Variants in DPY19L2 observed in about 807,000 individuals in gnomAD.
DPY19L2 encodes the protein probable C-mannosyltransferase DPY19L2.
In DPY19L2, 34 loss-of-function variants were observed where a neutral mutation model predicts 97.9. That is an observed-to-expected ratio of 0.35 (90% CI 0.26 to 0.46). The LOEUF (loss-of-function observed/expected upper bound fraction) is 0.46. Ranked by LOEUF, DPY19L2 falls within the 20% of genes least tolerant of loss-of-function variation. The probability of loss-of-function intolerance (pLI) is 1.00; values close to 1 mark genes in which losing one functional copy is unlikely to be tolerated. For missense variants in DPY19L2, 623 were observed against 911.4 expected, an observed-to-expected ratio of 0.68 and a Z score of 4.07; for synonymous variants, 230 against 307.9, an observed-to-expected ratio of 0.75 and a Z score of 2.65.
chr12:63,668,091 C>CG lies in DPY19L2; in HGVS notation c.302dup (p.Arg102AlafsTer28). ...GAGTGGTTCTGCTGGAGAACCGCCG[C>CG]GCCTGCAGTTCCTGCACCTTTTCCC... On this transcript the variant is annotated frameshift_variant, in exon 1 of 22. Transcript: ENST00000324472. LOFTEE classifies it high-confidence loss of function. 3 of 1,614,062 alleles carry CG rather than the reference C, an allele frequency of 1.9e-6. No individual in the cohort carries two copies. The South Asian group carries it at 3.3e-5, about 18-fold the overall frequency.
chr12:63,582,779 A>G (rs1881164456), intron 17 of DPY19L2, among the ~76,000 whole-genome samples: 1 of 152,162 alleles, frequency 6.6e-6, no homozygotes, highest in South Asian at 2.1e-4. Flanking sequence ...AAGACAGACA[A>G]TACATAGAAA....
At chr12:63,644,323 T>C (rs1023544411) in intron 6 of DPY19L2, 80 bp downstream of exon 6, 13 of 1,518,444 alleles carry the variant, frequency 8.6e-6, no homozygotes, top group Admixed American at 2.3e-5. Flanking sequence ...CTCATTAATT[T>C]TCCTTTTCAT....
At chr12:63,635,987 A>T (rs1891612228) in intron 6 of DPY19L2, among the ~76,000 whole-genome samples, 1 of 152,154 alleles carries the variant, frequency 6.6e-6, no homozygotes, top group Admixed American at 6.5e-5. Context: ...CAGATTCACC[A>T]AAGTGGAAAT....
At position 63,644,419 on chromosome 12, in the gene DPY19L2, A is replaced by G; in HGVS notation, c.787T>C (p.Tyr263His). 1 of 1,610,980 alleles carries G rather than the reference A, an allele frequency of 6.2e-7. No homozygotes were observed. Among genetic ancestry groups the G allele is most frequent in the Non-Finnish European group, 8.5e-7 (1 of 1,178,796 alleles). ...TAGTCTTACCTCAGGTATGCTCCATACATGAAGAACAATCCCATCATTAGT... is the reference window on the plus strand; with the variant it reads ...TAGTCTTACCTCAGGTATGCTCCATGCATGAAGAACAATCCCATCATTAGT... Reference protein sequence around the residue: ...NGLMMGLFFMYGAYLSGTQLG... With the variant: ...NGLMMGLFFMHGAYLSGTQLG... Residue 263 changes from tyrosine (Y) to histidine (H), a missense_variant, in exon 6 of 22, where the codon TAT (tyrosine) becomes CAT (histidine). Physicochemically the swap from Tyr to His is moderately conservative, Grantham distance 83. Coordinates refer to ENST00000324472, the MANE Select transcript of DPY19L2 (RefSeq NM_173812.5).
chr12:63,631,168 A>C (rs534760043), intron 6 of DPY19L2, among the ~76,000 whole-genome samples: 1 of 152,294 alleles, frequency 6.6e-6, no homozygotes, highest in African/African-American at 2.4e-5. Flanking sequence ...CTAGAGAAGC[A>C]AGAGCAAACA....
At chr12:63,600,461 T>C (rs1592516502) in intron 12 of DPY19L2, 75 bp from the exon 13 acceptor site, 7 of 1,250,598 alleles carry the variant, frequency 5.6e-6, no homozygotes, top group Non-Finnish European at 4.6e-6. Context: ...TGTCTACAAA[T>C]GACATAGAAA....
At chr12:63,644,577 A>C (rs1565830972) in intron 5 of DPY19L2, 81 bp from the exon 6 acceptor site, 2 of 1,538,600 alleles carry the variant, frequency 1.3e-6, no homozygotes, top group Non-Finnish European at 1.7e-6. Context: ...AGTGCTTTGC[A>C]ATCAAGAGCT....
At chr12:63,600,946 C>T (rs7300388) in intron 12 of DPY19L2, among the ~76,000 whole-genome samples, 89,367 of 151,550 alleles carry the variant, frequency 0.59, 26,977 homozygotes, top group African/African-American at 0.74. Context: ...CCACCATGCC[C>T]GGCTAATTTT....
chr12:63,607,788 A>G (rs1886306733), intron 12 of DPY19L2, among the ~76,000 whole-genome samples: 1 of 152,068 alleles, frequency 6.6e-6, no homozygotes, highest in Admixed American at 6.5e-5. Flanking sequence ...TCATGCCACC[A>G]TGCCCAACTA....
At chr12:63,641,182 G>T (rs35049932) in intron 6 of DPY19L2, among the ~76,000 whole-genome samples, 1 of 151,918 alleles carries the variant, frequency 6.6e-6, no homozygotes, top group African/African-American at 2.4e-5. Flanking sequence ...GAGATTACAG[G>T]AGTGAGCCAC....
At chr12:63,629,038 A>C in intron 6 of DPY19L2, among the ~76,000 whole-genome samples, 1 of 152,180 alleles carries the variant, frequency 6.6e-6, no homozygotes. Context: ...ACAAACAGAA[A>C]GGACACCCAC....
At position 63,629,236 on chromosome 12, in the gene DPY19L2, C is replaced by T. The variant is rs1486915579; in HGVS notation, c.804-2710G>A. On this transcript the variant is annotated intron_variant, in intron 6 of 21. Coordinates refer to ENST00000324472, the MANE Select transcript of DPY19L2 (RefSeq NM_173812.5). Reference sequence around the variant, plus strand: ...ATGGAGAATGACTTTGACGAGTTGACAGAAGAAGGCTTCAGATGATCGAAC... The same window carrying T: ...ATGGAGAATGACTTTGACGAGTTGATAGAAGAAGGCTTCAGATGATCGAAC... Among the ~76,000 whole-genome samples, 4 of 152,164 alleles carry T rather than the reference C, an allele frequency of 2.6e-5. No homozygotes were observed. In the South Asian group the frequency reaches 8.3e-4, roughly 32 times the overall value.
intron 21 of DPY19L2, among the ~76,000 whole-genome samples, chr12:63,567,398 T>C (rs1406405388): frequency 6.6e-6 from 1 of 152,044 alleles, no homozygotes; most frequent in Admixed American, 6.6e-5. Flanking sequence ...ATCTTTAACA[T>C]ATCATGATTT....
rs1330370234 is a variant in DPY19L2 at position 63,600,307 on chromosome 12, T to C, written c.1358A>G (p.His453Arg). The C allele has an allele frequency of 3.1e-6, 5 of 1,604,984 alleles. No individual in the cohort carries two copies. The highest frequency in any genetic ancestry group is 4.3e-6 in the Non-Finnish European group (5 of 1,173,754). The change falls in exon 13 of 22, where the codon CAC becomes CGC. Residue 453 changes from histidine (H) to arginine (R), a missense_variant and splice_region_variant. Physicochemically the swap from His to Arg is conservative, Grantham distance 29. Coordinates refer to ENST00000324472, the MANE Select transcript of DPY19L2 (RefSeq NM_173812.5). Reference sequence around the variant, plus strand: ...ATGTTTTAACTAAAAAGTACTTACGTGGTCTGAAACGCCTAAGATTTTAGA... The same window carrying C: ...ATGTTTTAACTAAAAAGTACTTACGCGGTCTGAAACGCCTAAGATTTTAGA... ...LTSKILGVSD[H>R]IRLSDLIAAR...
In DPY19L2 at chr12:63,647,352, G is replaced by C. The variant is rs1440778977; in HGVS notation, c.602C>G (p.Ser201Cys). The C allele has an allele frequency of 3.2e-6, 5 of 1,576,230 alleles. No individual in the cohort carries two copies. The East Asian group carries it at 1.2e-4, about 37-fold the overall frequency. Residue 201 changes from serine (S) to cysteine (C), a missense_variant, in exon 5 of 22, where the codon TCC (serine) becomes TGC (cysteine). Ser to Cys is a moderately radical substitution (Grantham distance 112). Around this residue, in one of 6 missense-constraint regions of DPY19L2, gnomAD observed 27 missense variants for 77.5 expected, o/e 0.35. Coordinates refer to ENST00000324472, the MANE Select transcript of DPY19L2 (RefSeq NM_173812.5). ...TATTCCCATGAATGTGCAATACCAG[G>C]AGGCTATGATTACCTTAAAAAAGAT... ...FHLYPEVIIASWYCTFMGIMN... is the reference protein window; with the variant it reads ...FHLYPEVIIACWYCTFMGIMN...
chr12:63,641,241 A>T (rs1290440137), intron 6 of DPY19L2, among the ~76,000 whole-genome samples: 1 of 150,294 alleles, frequency 6.7e-6, no homozygotes, highest in East Asian at 2.0e-4. Flanking sequence ...GAACATTTTT[A>T]AAGCTGCCCA....
chr12:63,570,119 C>A (rs1370333608), intron 20 of DPY19L2, among the ~76,000 whole-genome samples: 1 of 151,926 alleles, frequency 6.6e-6, no homozygotes, highest in African/African-American at 2.4e-5. Flanking sequence ...AACAATAGGC[C>A]AAAAATCCAC....
chr12:63,599,333 A>T (rs1884772324), intron 13 of DPY19L2, among the ~76,000 whole-genome samples: 1 of 152,152 alleles, frequency 6.6e-6, no homozygotes, highest in Non-Finnish European at 1.5e-5. Context: ...ATAAAGTTAA[A>T]AACAATAAAA....
In DPY19L2 at chr12:63,560,600, G is replaced by A; in HGVS notation, c.2189C>T (p.Pro730Leu). The A allele has an allele frequency of 6.2e-7, 1 of 1,613,990 alleles. No individual in the cohort carries two copies. Among genetic ancestry groups the A allele is most frequent in the African/African-American group, 1.3e-5 (1 of 75,022 alleles). ...VEDPSNAANP[P>L]LCSVLLEDAR... ...GTCTTCGAGCAGGACGCTACATAAG[G>A]GAGGGTTAGCTGCATTGGAAGGGTC... Residue 730 changes from proline to leucine, a missense_variant, in exon 22 of 22, where the codon CCC becomes CTC. By Grantham distance (98) the Pro-to-Leu change is moderately conservative. This residue lies in a region of DPY19L2 where 294 missense variants were observed against 446.2 expected (regional missense o/e 0.66). Coordinates refer to ENST00000324472, the MANE Select transcript of DPY19L2 (RefSeq NM_173812.5).
Sources: gnomAD v4.1 joint callset for allele counts (sites outside exome capture counted in the v4.1 genomes callset) on GRCh38, gnomAD v4.1.1 for gene constraint, gnomAD v4.1.1 regional missense constraint, MANE v1.5 for transcripts, NCBI Gene and HGNC (gene_info 2026-07-23, HGNC 2026-07-21) for gene names.